The following ZNF221 variants were observed in gnomAD, a reference collection of about 807,000 sequenced individuals.
The protein encoded by ZNF221 is zinc finger protein 221.
ZNF221 carries 10 observed loss-of-function variants against 12.6 expected under a neutral mutation model. The observed-to-expected ratio is 0.79, with a 90% CI of 0.49 to 1.34. ZNF221 has a LOEUF of 1.34. ZNF221 is among the 40% of genes most tolerant of loss of function. The pLI is 0.00. For synonymous variants in ZNF221, 232 were observed against 244.0 expected (o/e 0.95, Z 0.46); for missense variants, 661 against 721.4 (o/e 0.92, Z 0.96).
chr19:43,977,109 T>G, the ZNF221 span: 2 of 152,248 alleles, frequency 1.3e-5, no homozygotes, highest in Non-Finnish European at 2.9e-5. Context: ...GTAGCCTTCA[T>G]AACAAACTAA....
At position 43,966,743 on chromosome 19, in the gene ZNF221, A is replaced by C; in HGVS notation, c.1241A>C (p.Gln414Pro). 6.2e-7 allele frequency: 1 copy of C among 1,614,244 alleles called. No homozygotes were observed. The highest frequency in any genetic ancestry group is 8.5e-7 in the Non-Finnish European group (1 of 1,180,044). ...RWSSCLLNHQ[Q>P]VHSGQKSFKC... Reference sequence around the variant, plus strand: ...TCCTCATGTCTTTTGAACCATCAGCAAGTCCACAGTGGACAAAAATCCTTC... The same window carrying C: ...TCCTCATGTCTTTTGAACCATCAGCCAGTCCACAGTGGACAAAAATCCTTC... The change falls in exon 5 of 5, where the codon CAA becomes CCA. Residue 414 changes from glutamine to proline, a missense_variant. Gln to Pro is a moderately conservative substitution (Grantham distance 76). Coordinates refer to ENST00000587682, the MANE Select transcript of ZNF221 (RefSeq NM_001297588.2).
intron 1 of ZNF221, among the ~76,000 whole-genome samples, chr19:43,955,372 G>A (rs1372219121): frequency 1.3e-5 from 2 of 152,076 alleles, no homozygotes; most frequent in Non-Finnish European, 2.9e-5. Flanking sequence ...TCTCGATTTA[G>A]CCCATCTTTG....
the ZNF221 span, among the ~76,000 whole-genome samples, chr19:43,974,501 C>G: frequency 6.6e-6 from 1 of 151,876 alleles, no homozygotes. Flanking sequence ...GTCCATCTGA[C>G]AAAGGTCTAA....
Position 43,966,385 on chromosome 19 carries a change from T to G in ZNF221, c.883T>G (p.Ser295Ala). ...EECGKAFIHDSQLQEHQRIHT... is the reference protein window; with the variant it reads ...EECGKAFIHDAQLQEHQRIHT... Reference sequence around the variant, plus strand: ...ATGTGGGAAAGCCTTCATTCATGATTCACAGCTTCAAGAACATCAGAGAAT... The same window carrying G: ...ATGTGGGAAAGCCTTCATTCATGATGCACAGCTTCAAGAACATCAGAGAAT... The change falls in exon 5 of 5, where the codon TCA becomes GCA. Residue 295 changes from serine to alanine, a missense_variant. Physicochemically the swap from Ser to Ala is moderately conservative, Grantham distance 99. Transcript: ENST00000587682. 6.2e-7 allele frequency: 1 copy of G among 1,614,024 alleles called. No homozygotes were observed. The highest frequency in any genetic ancestry group is 8.5e-7 in the Non-Finnish European group (1 of 1,179,968).
the ZNF221 span, chr19:43,976,763 A>G: frequency 2.0e-5 from 3 of 152,216 alleles, no homozygotes; most frequent in South Asian, 2.1e-4. Context: ...TTCATCATAC[A>G]TATTCATTAT....
chr19:43,966,024 A>T lies in ZNF221; in HGVS notation c.522A>T (p.Glu174Asp), dbSNP rs777560370. ...AACAGAAACCTTACCGTTGTAATGAATGTAAACAGTCCTTCAGTGATGTTT... is the reference window on the plus strand; with the variant it reads ...AACAGAAACCTTACCGTTGTAATGATTGTAAACAGTCCTTCAGTGATGTTT... ...HVQQKPYRCN[E>D]CKQSFSDVSV... The change falls in exon 5 of 5, where the codon GAA (glutamate) becomes GAT (aspartate). Residue 174 changes from glutamate (E) to aspartate (D), a missense_variant. Transcript: ENST00000587682. 6.2e-7 allele frequency: 1 copy of T among 1,614,256 alleles called. No individual in the cohort carries two copies. Among genetic ancestry groups the T allele is most frequent in the Admixed American group, 1.7e-5 (1 of 60,032 alleles).
downstream of ZNF221, among the ~76,000 whole-genome samples, chr19:43,972,542 A>G (rs568770761): frequency 4.7e-4 from 71 of 152,130 alleles, 1 homozygote; most frequent in South Asian, 0.012. Context: ...GAAGAATCCA[A>G]CACAATCAGA....
chr19:43,967,476 A>C lies in ZNF221; in HGVS notation c.*120A>C. 1 of 732,368 alleles carries C rather than the reference A, an allele frequency of 1.4e-6. No individual in the cohort carries two copies. Among genetic ancestry groups the C allele is most frequent in the Non-Finnish European group, 2.1e-6 (1 of 467,576 alleles). 45.4% of individuals were successfully genotyped at this position (732,368 alleles called of 1,614,324 possible). A position where few individuals can be genotyped will look rare whatever the true frequency, so the allele number is the denominator to read the frequency against. On this transcript the variant is annotated 3_prime_UTR_variant, in exon 5 of 5. Coordinates refer to ENST00000587682, the MANE Select transcript of ZNF221 (RefSeq NM_001297588.2). ...GTGGGAAGAGCTTTGTACATAGATCATATCTTTTTTTTTTTTTTTTGAGAC... is the reference window on the plus strand; with the variant it reads ...GTGGGAAGAGCTTTGTACATAGATCCTATCTTTTTTTTTTTTTTTTGAGAC...
Position 43,966,942 on chromosome 19 carries a change from TA to T in ZNF221, c.1442del (p.Lys481ArgfsTer14). 1 of 1,614,200 alleles carries T rather than the reference TA, an allele frequency of 6.2e-7. No homozygotes were observed. The highest frequency in any genetic ancestry group is 8.5e-7 in the Non-Finnish European group (1 of 1,180,028). On this transcript the variant is annotated frameshift_variant, in exon 5 of 5. Transcript: ENST00000587682. LOFTEE classifies it low-confidence loss of function (END_TRUNC). ...VHTGERPYNCKECGKSFGWAS... is the reference protein window; with the variant it reads ...VHTGERPYNCXECGKSFGWAS... ...ACACGGGTGAGAGACCCTATAATTG[TA>T]AGGAATGTGGCAAGAGCTTTGGCTG...
chr19:43,978,786 A>G, the ZNF221 span: 1 of 152,264 alleles, frequency 6.6e-6, no homozygotes, highest in Non-Finnish European at 1.5e-5. Context: ...GAAATTGGGT[A>G]CATTATTATA....
Position 43,967,637 on chromosome 19 carries a change from C to T in ZNF221, c.*281C>T. 2 of 321,524 alleles carry T rather than the reference C, an allele frequency of 6.2e-6. No homozygotes were observed. The highest frequency in any genetic ancestry group is 1.3e-4 in the South Asian group (2 of 15,466). 19.9% of individuals were successfully genotyped at this position (321,524 alleles called of 1,614,324 possible). A position where few individuals can be genotyped will look rare whatever the true frequency, so the allele number is the denominator to read the frequency against. ...GGGACTACAGGTGCCCGCCACCACACCCAGCTAATTTTTTGTATTTTTAGT... is the reference window on the plus strand; with the variant it reads ...GGGACTACAGGTGCCCGCCACCACATCCAGCTAATTTTTTGTATTTTTAGT... On this transcript the variant is annotated 3_prime_UTR_variant, in exon 5 of 5. Transcript: ENST00000587682.
At chr19:43,955,890 ACT>A (rs1450761358) in intron 1 of ZNF221, among the ~76,000 whole-genome samples, 2 of 151,900 alleles carry the variant, frequency 1.3e-5, no homozygotes, top group Non-Finnish European at 2.9e-5. Context: ...AGGTAGCATG[ACT>A]CTGTATAAAC....
At position 43,965,276 on chromosome 19, in the gene ZNF221, G is replaced by A. The variant is rs368034461; in HGVS notation, c.252G>A (p.Lys84=). The change falls in exon 4 of 5, where the codon AAG becomes AAA. Residue 84 remains lysine, a synonymous_variant. Transcript: ENST00000587682. Reference sequence around the variant, plus strand: ...AAGATACTTTCCACTTCTTAGGGAAGGAAAAGTTTTGGAAGATGAAGACAA... The same window carrying A: ...AAGATACTTTCCACTTCTTAGGGAAAGAAAAGTTTTGGAAGATGAAGACAA... The part of the protein sequence containing the change: ...FHQDTFHFLG[K]EKFWKMKTTS... The A allele has an allele frequency of 1.9e-6, 3 of 1,613,524 alleles. No individual in the cohort carries two copies. Among genetic ancestry groups the A allele is most frequent in the Non-Finnish European group, 1.7e-6 (2 of 1,179,768 alleles).
Position 43,966,444 on chromosome 19 carries a change from A to G in ZNF221, c.942A>G (p.Ile314Met), listed in dbSNP as rs766282798. The G allele has an allele frequency of 1.6e-5, 26 of 1,614,192 alleles. No individual in the cohort carries two copies. Among genetic ancestry groups the G allele is most frequent in the Non-Finnish European group, 2.2e-5 (26 of 1,180,026 alleles). ...HTGEKPFKCDICGKSFRVRSR... is the reference protein window; with the variant it reads ...HTGEKPFKCDMCGKSFRVRSR... ...GGGAGAAGCCATTCAAATGTGATAT[A>G]TGTGGTAAGAGCTTCCGTGTTAGAT... The change falls in exon 5 of 5, where the codon ATA (isoleucine) becomes ATG (methionine). Residue 314 changes from isoleucine to methionine, a missense_variant. Transcript: ENST00000587682.
downstream of ZNF221, among the ~76,000 whole-genome samples, chr19:43,968,356 A>C (rs917365612): frequency 6.6e-6 from 1 of 152,234 alleles, no homozygotes; most frequent in South Asian, 2.1e-4. Context: ...CTAATGATGG[A>C]CATGTCAAAA....
intron 1 of ZNF221, among the ~76,000 whole-genome samples, chr19:43,956,492 T>TC (rs1974755169): frequency 2.0e-5 from 3 of 149,440 alleles, no homozygotes; most frequent in Non-Finnish European, 4.5e-5. Context: ...ACCCCAACAC[T>TC]CCCCCCAGCC....
At chr19:43,974,492 T>C in the ZNF221 span, among the ~76,000 whole-genome samples, 2 of 152,170 alleles carry the variant, frequency 1.3e-5, no homozygotes, top group Non-Finnish European at 2.9e-5. Flanking sequence ...TTGCAATCTG[T>C]CCATCTGACA....
At chr19:43,970,554 G>C (rs1975075982), downstream of ZNF221, among the ~76,000 whole-genome samples, 1 of 152,166 alleles carries the variant, frequency 6.6e-6, no homozygotes, top group Non-Finnish European at 1.5e-5. Context: ...AGAATAGCCA[G>C]TTTAGAGAGG....
the ZNF221 span, among the ~76,000 whole-genome samples, chr19:43,980,751 G>A: frequency 4.6e-5 from 7 of 152,098 alleles, no homozygotes; most frequent in Admixed American, 2.6e-4. Context: ...GCGTCACAAC[G>A]CCTAGTGGAC....
Sources: gnomAD v4.1 joint callset for allele counts (sites outside exome capture counted in the v4.1 genomes callset) on GRCh38, gnomAD v4.1.1 for gene constraint, MANE v1.5 for transcripts, NCBI Gene and HGNC (gene_info 2026-07-23, HGNC 2026-07-21) for gene names.